SYNPR: variants seen among roughly 807,000 people sequenced by gnomAD.
The protein encoded by SYNPR is synaptoporin.
In SYNPR, 23 loss-of-function variants were observed where a neutral mutation model predicts 32.9. The ratio of observed to expected loss-of-function variants is 0.70; its 90% CI spans 0.50 to 0.99. The LOEUF is 0.99. SYNPR is among the 50% of genes least tolerant of loss of function. The pLI, the probability that SYNPR is intolerant of heterozygous loss-of-function variation, is 0.00. For synonymous variants in SYNPR, 146 were observed against 135.9 expected (o/e 1.07, Z -0.52); for missense variants, 318 against 349.3 (o/e 0.91, Z 0.71).
chr3:63,326,521 G>T (rs942815464), intron 2 of SYNPR, among the ~76,000 whole-genome samples: 1 of 152,116 alleles, frequency 6.6e-6, no homozygotes. Flanking sequence ...ATTGCAATGG[G>T]CATCACCATT....
intron 2 of SYNPR, among the ~76,000 whole-genome samples, chr3:63,293,287 A>C (rs979653117): frequency 6.6e-5 from 10 of 152,012 alleles, no homozygotes; most frequent in Non-Finnish European, 1.5e-5. Context: ...CTTTGCTGCC[A>C]AATATAATAA....
At chr3:63,470,260 T>C (rs972853610) in intron 2 of SYNPR, among the ~76,000 whole-genome samples, 5 of 152,198 alleles carry the variant, frequency 3.3e-5, no homozygotes, top group African/African-American at 1.2e-4. Flanking sequence ...TTTAAAAAGA[T>C]TATAAACAAC....
intron 3 of SYNPR, among the ~76,000 whole-genome samples, chr3:63,512,367 C>T (rs891524526): frequency 4.6e-5 from 7 of 152,098 alleles, no homozygotes; most frequent in African/African-American, 1.7e-4. Context: ...TTGACAACAA[C>T]AACAACAAAA....
intron 2 of SYNPR, 101 bp downstream of exon 2, chr3:63,278,843 G>T (rs754525207): frequency 1.5e-6 from 2 of 1,296,390 alleles, no homozygotes; most frequent in Admixed American, 2.2e-5. Flanking sequence ...CTCCAAGCCG[G>T]AGATTCAACC....
intron 2 of SYNPR, among the ~76,000 whole-genome samples, chr3:63,467,153 G>C (rs2106667172): frequency 6.6e-6 from 1 of 152,238 alleles, no homozygotes. Flanking sequence ...TGGGACTACA[G>C]GCGCATGCCA....
At chr3:63,248,778 T>C (rs149538105) in intron 1 of SYNPR, among the ~76,000 whole-genome samples, 9 of 152,288 alleles carry the variant, frequency 5.9e-5, no homozygotes, top group African/African-American at 2.2e-4. Context: ...TAATTACACA[T>C]GCTCAAGGGA....
At chr3:63,385,555 C>A (rs919289516) in intron 2 of SYNPR, among the ~76,000 whole-genome samples, 1 of 152,194 alleles carries the variant, frequency 6.6e-6, no homozygotes, top group Non-Finnish European at 1.5e-5. Context: ...ACTCACTCAG[C>A]AAACTGGAAA....
intron 4 of SYNPR, among the ~76,000 whole-genome samples, chr3:63,591,443 A>G (rs1249776297): frequency 5.7e-5 from 7 of 121,904 alleles, no homozygotes; most frequent in Non-Finnish European, 8.4e-5. Flanking sequence ...TGACCCAGCC[A>G]TCCCATTACT....
chr3:63,304,629 T>G (rs2086891580), intron 2 of SYNPR, among the ~76,000 whole-genome samples: 1 of 151,956 alleles, frequency 6.6e-6, no homozygotes, highest in Non-Finnish European at 1.5e-5. Flanking sequence ...TATGAATGAC[T>G]CATGCAGAAT....
intron 4 of SYNPR, among the ~76,000 whole-genome samples, chr3:63,608,748 T>G (rs1559550307): frequency 6.6e-6 from 1 of 152,204 alleles, no homozygotes; most frequent in African/African-American, 2.4e-5. Flanking sequence ...GATGCCATCA[T>G]GAATTATCTG....
chr3:63,353,463 A>G (rs1340165321), intron 2 of SYNPR, among the ~76,000 whole-genome samples: 1 of 152,232 alleles, frequency 6.6e-6, no homozygotes, highest in Non-Finnish European at 1.5e-5. Flanking sequence ...TGTTTTAAGC[A>G]TCACATTCTG....
chr3:63,545,964 G>C (rs957949180), intron 3 of SYNPR, among the ~76,000 whole-genome samples: 1 of 152,056 alleles, frequency 6.6e-6, no homozygotes, highest in Non-Finnish European at 1.5e-5. Context: ...GAATAAAATA[G>C]ATGAATAAGC....
intron 3 of SYNPR, among the ~76,000 whole-genome samples, chr3:63,521,487 T>C (rs550125568): frequency 6.6e-6 from 1 of 152,334 alleles, no homozygotes; most frequent in East Asian, 1.9e-4. Flanking sequence ...GGGAGCGTAC[T>C]TGGCAATCCA....
At chr3:63,516,586 C>T (rs1701805504) in intron 3 of SYNPR, among the ~76,000 whole-genome samples, 1 of 152,082 alleles carries the variant, frequency 6.6e-6, no homozygotes, top group Non-Finnish European at 1.5e-5. Context: ...TGAAGTCTCA[C>T]CTTTATTTTA....
chr3:63,402,519 A>C (rs984200469), intron 2 of SYNPR, among the ~76,000 whole-genome samples: 1 of 152,216 alleles, frequency 6.6e-6, no homozygotes, highest in Non-Finnish European at 1.5e-5. Context: ...TTGCTATTTC[A>C]TCGGGATTGA....
At chr3:63,502,228 T>C (rs1261614092) in intron 3 of SYNPR, among the ~76,000 whole-genome samples, 1 of 152,120 alleles carries the variant, frequency 6.6e-6, no homozygotes, top group Non-Finnish European at 1.5e-5. Flanking sequence ...AGGACTTTTT[T>C]AGACTTCATT....
chr3:63,217,785 A>T, the SYNPR span, among the ~76,000 whole-genome samples: 1 of 152,214 alleles, frequency 6.6e-6, no homozygotes, highest in African/African-American at 2.4e-5. Context: ...CTAGAAGGGC[A>T]CATTGTTAAA....
chr3:63,593,138 G>C (rs11916554), intron 4 of SYNPR, among the ~76,000 whole-genome samples: 9 of 152,020 alleles, frequency 5.9e-5, no homozygotes, highest in Admixed American at 3.3e-4. Flanking sequence ...AGAGGGCTTA[G>C]CACAGCACCT....
chr3:63,521,799 TAAAG>T (rs534149962), intron 3 of SYNPR, among the ~76,000 whole-genome samples: 64 of 152,240 alleles, frequency 4.2e-4, no homozygotes, highest in African/African-American at 1.5e-3. Flanking sequence ...GGATAAGTAA[TAAAG>T]AGATTCTCTG....
Sources: allele counts gnomAD v4.1 joint callset (sites outside exome capture counted in the v4.1 genomes callset), GRCh38; gene constraint gnomAD v4.1.1; transcripts MANE v1.5; gene names NCBI Gene and HGNC (gene_info 2026-07-23, HGNC 2026-07-21).